The following KLF8 variants were observed in gnomAD, a reference collection of about 807,000 sequenced individuals.
KLF8 encodes KLF transcription factor 8.
Under a neutral mutation model 18.2 loss-of-function variants are expected in KLF8, and 10 were observed. That is an observed-to-expected ratio of 0.55 (90% CI 0.34 to 0.93). The LOEUF is 0.93. Among genes scored for constraint, KLF8 ranks in the 40% least tolerant of loss-of-function variants. KLF8 has a pLI of 0.02. For synonymous variants in KLF8, 109 were observed against 97.3 expected (o/e 1.12, Z -0.71); for missense variants, 264 against 277.9 (o/e 0.95, Z 0.36).
chrX:55,943,671 A>G, the KLF8 span, among the ~76,000 whole-genome samples: 1 of 112,263 alleles, frequency 8.9e-6, no homozygotes, highest in Non-Finnish European at 1.9e-5. Flanking sequence ...AATGTTGTTC[A>G]GTGTAAGGCT....
the KLF8 span, among the ~76,000 whole-genome samples, chrX:55,917,973 C>G: frequency 1.8e-5 from 2 of 112,063 alleles, no homozygotes; most frequent in Admixed American, 9.5e-5. Flanking sequence ...AGTACTAGAT[C>G]ATGCTGCTTT....
the KLF8 span, among the ~76,000 whole-genome samples, chrX:55,942,276 C>T: frequency 9.1e-6 from 1 of 110,287 alleles, no homozygotes; most frequent in South Asian, 3.9e-4. Flanking sequence ...GACAAAAAAC[C>T]AAACACCGCA....
the KLF8 span, among the ~76,000 whole-genome samples, chrX:56,059,897 A>G: frequency 8.9e-6 from 1 of 112,064 alleles, no homozygotes; most frequent in Non-Finnish European, 1.9e-5. Context: ...AAAAAAGGCA[A>G]TGGTAGCTTG....
intron 5 of KLF8, among the ~76,000 whole-genome samples, chrX:56,276,913 C>T (rs754896521): frequency 1.3e-4 from 15 of 111,559 alleles, no homozygotes; most frequent in Non-Finnish European, 2.6e-4. Context: ...TTTTCTAGAT[C>T]CTATAGTTGT....
At chrX:56,084,117 A>G in the KLF8 span, among the ~76,000 whole-genome samples, 1 of 112,118 alleles carries the variant, frequency 8.9e-6, no homozygotes, top group Non-Finnish European at 1.9e-5. Flanking sequence ...ATGGTGGATG[A>G]TGCCTGTAAT....
chrX:56,145,103 G>C, the KLF8 span, among the ~76,000 whole-genome samples: 2 of 111,301 alleles, frequency 1.8e-5, no homozygotes, highest in East Asian at 5.7e-4. Flanking sequence ...AGAATGCATA[G>C]AGAACTTTTA....
the KLF8 span, among the ~76,000 whole-genome samples, chrX:56,058,796 C>T: frequency 1.2e-3 from 138 of 111,505 alleles, no homozygotes; most frequent in African/African-American, 4.2e-3. Context: ...ATTGTGAATA[C>T]TGCTGCAATA....
chrX:56,176,296 C>T, the KLF8 span, among the ~76,000 whole-genome samples: 10 of 111,457 alleles, frequency 9.0e-5, no homozygotes, highest in Non-Finnish European at 1.5e-4. Context: ...AGGGCAGGCC[C>T]GGTGGTGACA....
At chrX:56,170,162 T>G in the KLF8 span, among the ~76,000 whole-genome samples, 1 of 110,759 alleles carries the variant, frequency 9.0e-6, no homozygotes, top group African/African-American at 3.3e-5. Context: ...AAACATAACT[T>G]AGATCACAAC....
At chrX:56,051,744 G>T in the KLF8 span, among the ~76,000 whole-genome samples, 1 of 107,440 alleles carries the variant, frequency 9.3e-6, no homozygotes, top group East Asian at 2.9e-4. Flanking sequence ...ACAATTATGT[G>T]TCTTGGAGTT....
intron 5 of KLF8, among the ~76,000 whole-genome samples, chrX:56,278,668 A>ATCCAGC (rs2067155998): frequency 9.0e-6 from 1 of 111,228 alleles, no homozygotes; most frequent in African/African-American, 3.3e-5. Flanking sequence ...CTGATATCTT[A>ATCCAGC]ATATATCATA....
At chrX:56,192,916 G>T in the KLF8 span, among the ~76,000 whole-genome samples, 1 of 112,135 alleles carries the variant, frequency 8.9e-6, no homozygotes, top group Non-Finnish European at 1.9e-5. Flanking sequence ...CTTTGGCCTG[G>T]GCAAAAATTT....
chrX:56,245,016 A>G (rs1246140125), intron 1 of KLF8, among the ~76,000 whole-genome samples: 2 of 112,341 alleles, frequency 1.8e-5, no homozygotes, highest in Non-Finnish European at 3.8e-5. Context: ...CTAAAGTTTC[A>G]GTTCTGATTC....
chrX:55,989,626 G>T, the KLF8 span, among the ~76,000 whole-genome samples: 1 of 111,523 alleles, frequency 9.0e-6, no homozygotes, highest in African/African-American at 3.3e-5. Context: ...TGAGGATTTT[G>T]CATCGATGTT....
the KLF8 span, among the ~76,000 whole-genome samples, chrX:55,921,925 A>C: frequency 8.9e-6 from 1 of 112,501 alleles, no homozygotes; most frequent in Non-Finnish European, 1.9e-5. Flanking sequence ...ATAACATCTC[A>C]TGCCAGTCAG....
At chrX:56,051,781 T>C in the KLF8 span, among the ~76,000 whole-genome samples, 5 of 107,691 alleles carry the variant, frequency 4.6e-5, no homozygotes, top group East Asian at 5.7e-4. Flanking sequence ...ATCTTTGTGG[T>C]GTTCTCTGTA....
At chrX:56,056,679 T>C in the KLF8 span, among the ~76,000 whole-genome samples, 16 of 90,100 alleles carry the variant, frequency 1.8e-4, no homozygotes, top group South Asian at 1.4e-3. Context: ...GGGATAACAT[T>C]GGGAGATATA....
the KLF8 span, among the ~76,000 whole-genome samples, chrX:56,072,917 A>G: frequency 9.0e-6 from 1 of 111,192 alleles, no homozygotes; most frequent in African/African-American, 3.3e-5. Flanking sequence ...GAATTTGCCA[A>G]TTCTAGATAT....
chrX:56,248,646 G>T (rs1315273335), intron 1 of KLF8, among the ~76,000 whole-genome samples: 1 of 111,513 alleles, frequency 9.0e-6, no homozygotes, highest in Non-Finnish European at 1.9e-5. Context: ...CCTACGCATG[G>T]TTCTGGCAGC....
Sources: allele counts gnomAD v4.1 joint callset (sites outside exome capture counted in the v4.1 genomes callset), GRCh38; gene constraint gnomAD v4.1.1; transcripts MANE v1.5; gene names NCBI Gene and HGNC (gene_info 2026-07-23, HGNC 2026-07-21).